Variants in KIF6 observed in about 807,000 individuals in gnomAD.
KIF6 encodes the protein kinesin family member 6, also known as kinesin-like protein KIF6.
KIF6 carries 106 observed loss-of-function variants against 112.7 expected under a neutral mutation model. That is an observed-to-expected ratio of 0.94 (90% CI 0.80 to 1.11). The LOEUF is 1.11. Among genes scored for constraint, KIF6 ranks in the 50% least tolerant of loss-of-function variants. KIF6 has a pLI of 0.00. For synonymous variants in KIF6, 339 were observed against 339.9 expected, an observed-to-expected ratio of 1.00 and a Z score of 0.03; for missense variants, 929 against 964.0, an observed-to-expected ratio of 0.96 and a Z score of 0.48.
At chr6:39,403,580 C>T (rs1768868920) in intron 15 of KIF6, among the ~76,000 whole-genome samples, 1 of 152,202 alleles carries the variant, frequency 6.6e-6, no homozygotes, top group Non-Finnish European at 1.5e-5. Context: ...GGGTTACCAC[C>T]AGTTTTTGGC....
At chr6:39,420,697 C>A (rs1770300157) in intron 14 of KIF6, among the ~76,000 whole-genome samples, 1 of 152,106 alleles carries the variant, frequency 6.6e-6, no homozygotes, top group Non-Finnish European at 1.5e-5. Context: ...ACTCCTCTAC[C>A]CAGAAATAAG....
At chr6:39,659,362 C>T (rs74548406) in intron 3 of KIF6, among the ~76,000 whole-genome samples, 1 of 152,242 alleles carries the variant, frequency 6.6e-6, no homozygotes, top group East Asian at 1.9e-4. Flanking sequence ...GGTCACCATT[C>T]TAAGGCCAGC....
In KIF6 at chr6:39,385,685, CA is replaced by C; in HGVS notation, c.1811-14del. The C allele has an allele frequency of 6.4e-7, 1 of 1,558,316 alleles. No homozygotes were observed. Among genetic ancestry groups the C allele is most frequent in the Non-Finnish European group, 8.7e-7 (1 of 1,149,306 alleles). ...TCCTTCAGGTGACCTGCCAAAGACA[CA>C]AAAGAAAACTACCAGTGGGTTTCCA... On this transcript the variant is annotated splice_polypyrimidine_tract_variant and intron_variant, in intron 15 of 22. Coordinates refer to ENST00000287152, the MANE Select transcript of KIF6 (RefSeq NM_145027.6).
At chr6:39,458,094 T>G (rs1210235117) in intron 13 of KIF6, among the ~76,000 whole-genome samples, 2 of 151,560 alleles carry the variant, frequency 1.3e-5, no homozygotes, top group East Asian at 1.9e-4. Flanking sequence ...ACCAATATCC[T>G]TGATGAACAT....
At chr6:39,360,782 C>T (rs1187801124) in intron 17 of KIF6, among the ~76,000 whole-genome samples, 4 of 152,188 alleles carry the variant, frequency 2.6e-5, no homozygotes, top group Non-Finnish European at 4.4e-5. Flanking sequence ...AATAGCCTCT[C>T]CCCCAAGAAT....
intron 13 of KIF6, among the ~76,000 whole-genome samples, chr6:39,526,169 A>G (rs1777713472): frequency 6.6e-6 from 1 of 152,128 alleles, no homozygotes; most frequent in African/African-American, 2.4e-5. Flanking sequence ...GGCTTCCTCT[A>G]TATGTCCATC....
chr6:39,372,738 C>T (rs1251788404), intron 16 of KIF6, among the ~76,000 whole-genome samples: 1 of 152,202 alleles, frequency 6.6e-6, no homozygotes, highest in Non-Finnish European at 1.5e-5. Context: ...TCACAATTCA[C>T]TCTACCCTTT....
At chr6:39,347,562 A>T (rs1763903118) in intron 19 of KIF6, among the ~76,000 whole-genome samples, 1 of 152,184 alleles carries the variant, frequency 6.6e-6, no homozygotes, top group South Asian at 2.1e-4. Flanking sequence ...CTGTAAGGAG[A>T]TCTTCCTCGC....
At chr6:39,638,829 C>A (rs778967464) in intron 4 of KIF6, among the ~76,000 whole-genome samples, 2 of 152,062 alleles carry the variant, frequency 1.3e-5, no homozygotes, top group Admixed American at 1.3e-4. Flanking sequence ...AAAACCGAAA[C>A]TCAGAGAAGG....
chr6:39,639,585 A>G, intron 4 of KIF6, 25 bp downstream of exon 4: 1 of 1,523,358 alleles, frequency 6.6e-7, no homozygotes, highest in Non-Finnish European at 8.8e-7. Context: ...CAAATACAAA[A>G]TGATATGAAC....
intron 19 of KIF6, among the ~76,000 whole-genome samples, chr6:39,351,182 C>CTTT (rs5875669): frequency 0.011 from 1,166 of 106,702 alleles, 29 homozygotes; most frequent in East Asian, 0.048. Flanking sequence ...TAGGATTAAA[C>CTTT]TTTTTTTTTT....
chr6:39,655,149 T>C (rs551108861), intron 3 of KIF6, among the ~76,000 whole-genome samples: 2 of 152,326 alleles, frequency 1.3e-5, no homozygotes, highest in South Asian at 4.1e-4. Context: ...GAAAGAGATA[T>C]TTCTTATTTT....
chr6:39,429,523 T>A (rs918742432), intron 14 of KIF6, among the ~76,000 whole-genome samples: 5 of 152,204 alleles, frequency 3.3e-5, no homozygotes, highest in African/African-American at 1.2e-4. Flanking sequence ...CTCTTACCAT[T>A]AGCTTATTCT....
rs550357405 is a variant in KIF6, at chr6:39,494,794, GT to G, written c.1645+45208del. ...TCCATAAGAAATGTCCTTATGACAA[GT>G]TTTTTTTTTCATTTTTTACAGACAA... On this transcript the variant is annotated intron_variant, in intron 13 of 22. Coordinates refer to ENST00000287152, the MANE Select transcript of KIF6 (RefSeq NM_145027.6). Among the ~76,000 whole-genome samples, 70 of 148,234 alleles carry G rather than the reference GT, an allele frequency of 4.7e-4. 1 individual carries two copies. The highest frequency in any genetic ancestry group is 3.6e-3 in the Middle Eastern group (1 of 280).
Position 39,659,758 on chromosome 6 carries a change from C to G in KIF6, c.252-20001G>C, listed in dbSNP as rs564340392. Among the ~76,000 whole-genome samples, 282 of 152,296 alleles carry G rather than the reference C, an allele frequency of 1.9e-3. 1 individual carries two copies. Among genetic ancestry groups the G allele is most frequent in the African/African-American group, 6.2e-3 (259 of 41,564 alleles). On this transcript the variant is annotated intron_variant, in intron 3 of 22. Coordinates refer to ENST00000287152, the MANE Select transcript of KIF6 (RefSeq NM_145027.6). ...TTTTCTGAGGCCTTCCCAGCAAAAG[C>G]AGAACTGTGAGTCAATTAAACCTCT...
intron 3 of KIF6, among the ~76,000 whole-genome samples, chr6:39,700,927 T>A (rs964593422): frequency 6.6e-6 from 1 of 152,152 alleles, no homozygotes; most frequent in African/African-American, 2.4e-5. Flanking sequence ...CTTGAACTCC[T>A]GACCTCAGGT....
chr6:39,674,509 C>A (rs957403628), intron 3 of KIF6, among the ~76,000 whole-genome samples: 2 of 151,950 alleles, frequency 1.3e-5, no homozygotes, highest in African/African-American at 4.8e-5. Flanking sequence ...GCCCAGAGTG[C>A]GCACTTAAGA....
chr6:39,412,045 T>G (rs2150353912), intron 15 of KIF6, among the ~76,000 whole-genome samples: 1 of 152,308 alleles, frequency 6.6e-6, no homozygotes, highest in East Asian at 1.9e-4. Flanking sequence ...GACTACTCTG[T>G]CAGGACTCTT....
intron 3 of KIF6, among the ~76,000 whole-genome samples, chr6:39,700,521 G>A (rs970829530): frequency 6.6e-6 from 1 of 152,164 alleles, no homozygotes; most frequent in Non-Finnish European, 1.5e-5. Context: ...TGTTTCCTAT[G>A]ATATTTCCTG....
Sources: allele counts gnomAD v4.1 joint callset (sites outside exome capture counted in the v4.1 genomes callset), GRCh38; gene constraint gnomAD v4.1.1; transcripts MANE v1.5; gene names NCBI Gene and HGNC (gene_info 2026-07-23, HGNC 2026-07-21).